Variants in DLC1 observed in about 807,000 individuals in gnomAD.
DLC1 encodes the protein DLC1 Rho GTPase activating protein.
DLC1 carries 54 observed loss-of-function variants against 140.3 expected under a neutral mutation model. The observed-to-expected ratio is 0.38, with a 90% CI of 0.31 to 0.48. The LOEUF is 0.48. Among genes scored for constraint, DLC1 ranks in the 20% least tolerant of loss-of-function variants. The pLI, the probability that DLC1 is intolerant of heterozygous loss-of-function variation, is 0.96. For synonymous variants in DLC1, 986 were observed against 728.1 expected (o/e 1.35, Z -5.70); for missense variants, 2,536 against 1,907.0 (o/e 1.33, Z -6.14).
At chr8:13,306,295 A>T (rs958748493) in intron 4 of DLC1, among the ~76,000 whole-genome samples, 3 of 152,228 alleles carry the variant, frequency 2.0e-5, no homozygotes, top group Non-Finnish European at 4.4e-5. Flanking sequence ...CTTAAAGCTT[A>T]ACTGTCTAGT....
chr8:13,164,090 A>G lies in DLC1; in HGVS notation c.1349-48433T>C, dbSNP rs569356388. On this transcript the variant is annotated intron_variant, in intron 5 of 17. Coordinates refer to ENST00000276297, the MANE Select transcript of DLC1 (RefSeq NM_182643.3). ...GGCGGGCGGATCACCTGAGGTCAGGAGTTTGAGACCAGGCTGGCCAACATG... is the reference window on the plus strand; with the variant it reads ...GGCGGGCGGATCACCTGAGGTCAGGGGTTTGAGACCAGGCTGGCCAACATG... Among the ~76,000 whole-genome samples the G allele has an allele frequency of 5.3e-5, 8 of 152,250 alleles. No individual in the cohort carries two copies. The East Asian group carries it at 1.5e-3, about 29-fold the overall frequency.
intron 2 of DLC1, among the ~76,000 whole-genome samples, chr8:13,441,008 T>C (rs897628003): frequency 6.6e-6 from 1 of 152,206 alleles, no homozygotes; most frequent in African/African-American, 2.4e-5. Context: ...CAAACTTTAA[T>C]AATGATATGT....
At chr8:13,157,199 C>T (rs1013196062) in intron 5 of DLC1, among the ~76,000 whole-genome samples, 10 of 152,142 alleles carry the variant, frequency 6.6e-5, no homozygotes, top group African/African-American at 2.4e-4. Context: ...TATCTTTTTC[C>T]CTTTTTTGGT....
rs780647314 is a variant in DLC1, at chr8:13,100,769, C to T, written c.1568G>A (p.Ser523Asn). ...KLEISPHRKR[S>N]DDSDEDEPCA... ...AGGCTCATCCTCGTCTGAATCGTCA[C>T]TCTGCAAAGACAGAAAGGAGCCATT... Residue 523 changes from serine to asparagine, a missense_variant and splice_region_variant, in exon 9 of 18, where the codon AGT (serine) becomes AAT (asparagine). Physicochemically the swap from Ser to Asn is conservative, Grantham distance 46. Coordinates refer to ENST00000276297, the MANE Select transcript of DLC1 (RefSeq NM_182643.3). The T allele has an allele frequency of 1.9e-6, 3 of 1,558,592 alleles. No individual in the cohort carries two copies. The Admixed American group carries it at 5.7e-5, about 30-fold the overall frequency.
intron 2 of DLC1, among the ~76,000 whole-genome samples, chr8:13,414,285 A>C (rs780929658): frequency 3.3e-5 from 5 of 152,220 alleles, no homozygotes; most frequent in Non-Finnish European, 7.3e-5. Flanking sequence ...CCATATATTC[A>C]ATAAATGTGG....
At chr8:13,237,271 A>T (rs962636482) in intron 5 of DLC1, among the ~76,000 whole-genome samples, 1 of 144,436 alleles carries the variant, frequency 6.9e-6, no homozygotes, top group East Asian at 2.0e-4. Flanking sequence ...GTGAGTATAT[A>T]GGTGTATATA....
rs1280750923 is a variant in DLC1 at position 13,084,902 on chromosome 8, TTAAGAG to T, written c.*903_*908del. The stretch of plus-strand genomic sequence containing the variant: ...CAGGGAAAAAGTGTTGATGCTTGAT[TTAAGAG>T]TAAGTGTTATCGTGTTCAGTTTTTA... On this transcript the variant is annotated 3_prime_UTR_variant, in exon 18 of 18. Coordinates refer to ENST00000276297, the MANE Select transcript of DLC1 (RefSeq NM_182643.3). The T allele has an allele frequency of 6.6e-6, 1 of 152,196 alleles. No homozygotes were observed. The highest frequency in any genetic ancestry group is 2.4e-5 in the African/African-American group (1 of 41,454). 9.4% of individuals were successfully genotyped at this position (152,196 alleles called of 1,614,324 possible).
At chr8:13,096,690 C>T (rs764064772) in intron 10 of DLC1, among the ~76,000 whole-genome samples, 6 of 151,634 alleles carry the variant, frequency 4.0e-5, no homozygotes, top group East Asian at 3.9e-4. Flanking sequence ...AGCCTTTGAA[C>T]GGGAGGTGCT....
At chr8:13,142,108 C>A (rs1823042902) in intron 5 of DLC1, among the ~76,000 whole-genome samples, 1 of 152,212 alleles carries the variant, frequency 6.6e-6, no homozygotes, top group Non-Finnish European at 1.5e-5. Flanking sequence ...GTCGCTCCTG[C>A]CGCCTTGTGA....
At chr8:13,268,965 C>T (rs978485884) in intron 5 of DLC1, among the ~76,000 whole-genome samples, 1 of 150,774 alleles carries the variant, frequency 6.6e-6, no homozygotes, top group South Asian at 2.1e-4. Context: ...AGCTCCGCCT[C>T]CCGGGTTCAC....
At position 13,090,414 on chromosome 8, in the gene DLC1, G is replaced by A. The variant is rs966350070; in HGVS notation, c.3912C>T (p.Pro1304=). The part of the protein sequence containing the change: ...RNSYTEQELK[P]LTLEALGHLG... Reference sequence around the variant, plus strand: ...GGTGCCCGAGTGCTTCCAGAGTGAGGGGCTTCAGCTCTTGTTCGGTATAGG... The same window carrying A: ...GGTGCCCGAGTGCTTCCAGAGTGAGAGGCTTCAGCTCTTGTTCGGTATAGG... Residue 1304 remains proline (P), a synonymous_variant, in exon 15 of 18, where the codon CCC becomes CCT. Transcript: ENST00000276297. 6.2e-7 allele frequency: 1 copy of A among 1,614,184 alleles called. No individual in the cohort carries two copies. Among genetic ancestry groups the A allele is most frequent in the Non-Finnish European group, 8.5e-7 (1 of 1,180,044 alleles).
chr8:13,219,366 A>G (rs921854660), intron 5 of DLC1, among the ~76,000 whole-genome samples: 2 of 59,260 alleles, frequency 3.4e-5, no homozygotes, highest in African/African-American at 9.0e-5. Flanking sequence ...TATATAATTC[A>G]TATACTTATA....
intron 3 of DLC1, among the ~76,000 whole-genome samples, chr8:13,395,156 C>T (rs916996045): frequency 2.0e-5 from 3 of 149,654 alleles, no homozygotes; most frequent in African/African-American, 5.0e-5. Flanking sequence ...AGTCTCACAC[C>T]GTCGCCCCGG....
chr8:13,503,125 C>T (rs528077082), intron 1 of DLC1, among the ~76,000 whole-genome samples: 2 of 152,320 alleles, frequency 1.3e-5, no homozygotes, highest in South Asian at 4.1e-4. Context: ...AACAAAATTA[C>T]TGGGCATGAT....
chr8:13,232,464 G>A (rs930598192), intron 5 of DLC1, among the ~76,000 whole-genome samples: 1 of 152,050 alleles, frequency 6.6e-6, no homozygotes, highest in East Asian at 1.9e-4. Context: ...CTCCTGAGTA[G>A]CTAGGACTAC....
intron 1 of DLC1, among the ~76,000 whole-genome samples, chr8:13,562,686 C>T (rs977712309): frequency 4.6e-5 from 7 of 152,096 alleles, no homozygotes; most frequent in African/African-American, 1.7e-4. Context: ...CATATGTCTT[C>T]ATCTTTGATA....
At chr8:13,446,803 G>A (rs1248399927) in intron 2 of DLC1, among the ~76,000 whole-genome samples, 1 of 152,004 alleles carries the variant, frequency 6.6e-6, no homozygotes, top group Non-Finnish European at 1.5e-5. Context: ...TTAGCCAGGC[G>A]TGGTGGTGGG....
At chr8:13,324,368 A>G (rs554216296) in intron 4 of DLC1, among the ~76,000 whole-genome samples, 1 of 122,004 alleles carries the variant, frequency 8.2e-6, no homozygotes, top group African/African-American at 2.9e-5. Flanking sequence ...GGAGATCGAG[A>G]CCATCCTGGT....
At chr8:13,535,452 A>G (rs1020173383) in intron 1 of DLC1, among the ~76,000 whole-genome samples, 1 of 152,132 alleles carries the variant, frequency 6.6e-6, no homozygotes, top group Non-Finnish European at 1.5e-5. Flanking sequence ...TACCTTGTTT[A>G]CTGTAATAGT....
Sources: allele counts gnomAD v4.1 joint callset (sites outside exome capture counted in the v4.1 genomes callset), GRCh38; gene constraint gnomAD v4.1.1; transcripts MANE v1.5; gene names NCBI Gene and HGNC (gene_info 2026-07-23, HGNC 2026-07-21).